The following SIM1 variants were observed in gnomAD, a reference collection of about 807,000 sequenced individuals.
SIM1 encodes SIM bHLH transcription factor 1.
Under a neutral mutation model 78.2 loss-of-function variants are expected in SIM1, and 18 were observed. That is an observed-to-expected ratio of 0.23 (90% CI 0.16 to 0.34). The LOEUF (loss-of-function observed/expected upper bound fraction) is 0.34, where lower values mean the gene tolerates loss of function less well. Ranked by LOEUF, SIM1 falls within the 10% of genes least tolerant of loss-of-function variation. SIM1 has a pLI of 1.00. For synonymous variants in SIM1, 417 were observed against 385.2 expected (o/e 1.08, Z -0.97); for missense variants, 939 against 975.1 (o/e 0.96, Z 0.49).
intron 10 of SIM1, among the ~76,000 whole-genome samples, chr6:100,411,427 C>T (rs1046691445): frequency 2.0e-5 from 3 of 152,192 alleles, no homozygotes; most frequent in Admixed American, 6.5e-5. Context: ...TCTAATTCCT[C>T]CTCAGCACTC....
Position 100,448,186 on chromosome 6 carries a change from G to A in SIM1, c.810C>T (p.His270=), listed in dbSNP as rs1205097888. The change falls in exon 8 of 12, where the codon CAC becomes CAT. Residue 270 remains histidine (H), a synonymous_variant. Coordinates refer to ENST00000369208, the MANE Select transcript of SIM1 (RefSeq NM_005068.3). ...AGCGCAGGTGGAAGGTGTCGCAGCC[G>A]TGCACATGGTGGTACAGAGTCTTCT... ...LIEKTLYHHV[H]GCDTFHLRCA... is the part of the protein sequence containing the mutation. 7 of 1,613,712 alleles carry A rather than the reference G, an allele frequency of 4.3e-6. No homozygotes were observed. Among genetic ancestry groups the A allele is most frequent in the South Asian group, 1.1e-5 (1 of 91,046 alleles).
chr6:100,412,620 G>GAAAGAAAGAAAGA (rs745685934), intron 10 of SIM1, among the ~76,000 whole-genome samples: 1 of 86,674 alleles, frequency 1.2e-5, no homozygotes, highest in African/African-American at 4.0e-5. Flanking sequence ...AGGAAAGAAA[G>GAAAGAAAGAAAGA]AAGGAAAGAA....
rs74726213 is a variant in SIM1, at chr6:100,390,543, C to G, written c.2119G>C (p.Asp707His). ...CCAGTTAATGTGTAAGCATGCTTGTCAAAATACTGCCGGTGAGAGCCAAAG... is the reference window on the plus strand; with the variant it reads ...CCAGTTAATGTGTAAGCATGCTTGTGAAAATACTGCCGGTGAGAGCCAAAG... ...NCFGSHRQYFDKHAYTLTGYA... is the reference protein window; with the variant it reads ...NCFGSHRQYFHKHAYTLTGYA... Residue 707 changes from aspartate (D) to histidine (H), a missense_variant, in exon 12 of 12, where the codon GAC becomes CAC. By Grantham distance (81) the Asp-to-His change is moderately conservative (BLOSUM62 -1). Transcript: ENST00000369208. 1.1e-3 allele frequency: 1,767 copies of G among 1,614,118 alleles called. 3 individuals carry two copies. Among genetic ancestry groups the G allele is most frequent in the Non-Finnish European group, 1.4e-3 (1,657 of 1,180,030 alleles).
Position 100,448,258 on chromosome 6 carries a change from G to A in SIM1, c.744-6C>T. The A allele has an allele frequency of 6.2e-7, 1 of 1,608,684 alleles. No individual in the cohort carries two copies. The highest frequency in any genetic ancestry group is 8.5e-7 in the Non-Finnish European group (1 of 1,176,894). On this transcript the variant is annotated splice_polypyrimidine_tract_variant and splice_region_variant and intron_variant, in intron 7 of 11. Coordinates refer to ENST00000369208, the MANE Select transcript of SIM1 (RefSeq NM_005068.3). ...ACCCCGTCAGCTCCGCCACCCTGAG[G>A]AGAGCAATCCCTGCAGGATGAATGC...
intron 4 of SIM1, 138 bp downstream of exon 4, chr6:100,450,129 T>C (rs1479095587): frequency 5.5e-6 from 4 of 728,488 alleles, no homozygotes; most frequent in Admixed American, 3.9e-5. Context: ...CAGAACTATT[T>C]AAGAGTCTTC....
intron 2 of SIM1, chr6:100,462,778 G>A (rs1772887778): frequency 1.3e-5 from 2 of 152,224 alleles, no homozygotes; most frequent in African/African-American, 4.8e-5. Flanking sequence ...AAGAACTTGA[G>A]TAAATTCAGG....
intron 6 of SIM1, 83 bp downstream of exon 6, chr6:100,449,280 G>A: frequency 8.6e-7 from 1 of 1,162,276 alleles, no homozygotes; most frequent in Non-Finnish European, 1.3e-6. Context: ...AGTCCCAGAG[G>A]TAGGGACATT....
chr6:100,398,447 A>G (rs1770821966), intron 10 of SIM1, among the ~76,000 whole-genome samples: 1 of 152,128 alleles, frequency 6.6e-6, no homozygotes, highest in African/African-American at 2.4e-5. Flanking sequence ...TCTTCCCTTC[A>G]GTTCCTTAAC....
chr6:100,452,871 A>T (rs181658083), intron 3 of SIM1, among the ~76,000 whole-genome samples: 1 of 152,122 alleles, frequency 6.6e-6, no homozygotes, highest in Non-Finnish European at 1.5e-5. Context: ...GGAAGGAGAA[A>T]GGTATAGGGT....
intron 9 of SIM1, among the ~76,000 whole-genome samples, chr6:100,429,851 G>A (rs1032228462): frequency 7.2e-5 from 11 of 152,182 alleles, no homozygotes; most frequent in African/African-American, 2.6e-4. Context: ...AAAAGAGAAA[G>A]CACTAGCAAA....
At chr6:100,422,551 A>G (rs1195288789) in intron 9 of SIM1, among the ~76,000 whole-genome samples, 1 of 152,220 alleles carries the variant, frequency 6.6e-6, no homozygotes, top group Admixed American at 6.5e-5. Flanking sequence ...TGACTGGCAC[A>G]TTCCATGGAT....
intron 10 of SIM1, among the ~76,000 whole-genome samples, chr6:100,414,953 T>G (rs531327697): frequency 3.0e-4 from 45 of 152,380 alleles, no homozygotes; most frequent in African/African-American, 1.0e-3. Flanking sequence ...GAATAAAATC[T>G]GCAAGTGTTA....
intron 9 of SIM1, among the ~76,000 whole-genome samples, chr6:100,439,560 A>G (rs921342276): frequency 1.3e-5 from 2 of 152,200 alleles, no homozygotes; most frequent in African/African-American, 4.8e-5. Flanking sequence ...TAATCATTGC[A>G]ATCTGCTATA....
At chr6:100,433,089 C>T (rs1771943405) in intron 9 of SIM1, among the ~76,000 whole-genome samples, 1 of 152,136 alleles carries the variant, frequency 6.6e-6, no homozygotes, top group South Asian at 2.1e-4. Flanking sequence ...TCATCACCTT[C>T]CCTCACCGAG....
chr6:100,446,041 T>A (rs1160946079), intron 9 of SIM1, among the ~76,000 whole-genome samples: 3 of 129,242 alleles, frequency 2.3e-5, no homozygotes, highest in Non-Finnish European at 4.4e-5. Flanking sequence ...TTTACTAAGA[T>A]AAAAAAATTA....
rs751678601 is a variant in SIM1, at chr6:100,448,614, C to A, written c.608G>T (p.Gly203Val). Residue 203 changes from glycine (G) to valine (V), a missense_variant, in exon 7 of 12, where the codon GGC becomes GTC. Gly to Val is a moderately radical substitution (Grantham distance 109). Transcript: ENST00000369208. ...QYSLDMSPFD[G>V]CYQNVGLVAV... Reference sequence around the variant, plus strand: ...CACCAGGCCCACGTTTTGGTAGCAGCCGTCGAAGGGGGACATGTCCAGGCT... The same window carrying A: ...CACCAGGCCCACGTTTTGGTAGCAGACGTCGAAGGGGGACATGTCCAGGCT... 52 of 1,613,878 alleles carry A rather than the reference C, an allele frequency of 3.2e-5. No homozygotes were observed. Among genetic ancestry groups the A allele is most frequent in the Non-Finnish European group, 4.4e-5 (52 of 1,180,022 alleles).
intron 9 of SIM1, among the ~76,000 whole-genome samples, chr6:100,422,978 A>G (rs1001731064): frequency 3.3e-5 from 5 of 152,184 alleles, no homozygotes; most frequent in African/African-American, 1.2e-4. Flanking sequence ...CAAATAATCC[A>G]TCCACTCAAT....
intron 10 of SIM1, 188 bp from the exon 11 acceptor site, chr6:100,394,077 A>G: frequency 2.0e-6 from 1 of 505,376 alleles, no homozygotes; most frequent in Non-Finnish European, 3.4e-6. Context: ...TACTTAATTC[A>G]TTATGATGCT....
chr6:100,429,017 T>C (rs1771818216), intron 9 of SIM1, among the ~76,000 whole-genome samples: 1 of 152,134 alleles, frequency 6.6e-6, no homozygotes, highest in Non-Finnish European at 1.5e-5. Context: ...GGGGGGACTA[T>C]GGTAATTCCA....
Sources: gnomAD v4.1 joint callset for allele counts (sites outside exome capture counted in the v4.1 genomes callset) on GRCh38, gnomAD v4.1.1 for gene constraint, MANE v1.5 for transcripts, NCBI Gene and HGNC (gene_info 2026-07-23, HGNC 2026-07-21) for gene names.